Variants in SLC35F5 observed in about 807,000 individuals in gnomAD.
SLC35F5 encodes the protein solute carrier family 35 member F5.
SLC35F5 carries 54 observed loss-of-function variants against 68.6 expected under a neutral mutation model. The observed-to-expected ratio is 0.79, with a 90% CI of 0.63 to 0.99. The LOEUF (loss-of-function observed/expected upper bound fraction) is 0.99, where lower values mean the gene tolerates loss of function less well. Ranked by LOEUF, SLC35F5 falls within the 50% of genes least tolerant of loss-of-function variation. The probability of loss-of-function intolerance (pLI) is 0.00; values close to 1 mark genes in which losing one functional copy is unlikely to be tolerated. For synonymous variants in SLC35F5, 211 were observed against 205.2 expected, an observed-to-expected ratio of 1.03 and a Z score of -0.24; for missense variants, 567 against 626.9, an observed-to-expected ratio of 0.90 and a Z score of 1.02.
In SLC35F5 at chr2:113,710,052, G is replaced by A. The variant is rs567210056; in HGVS notation, c.*5166C>T. Among the ~76,000 whole-genome samples the A allele has an allele frequency of 3.3e-5, 5 of 152,224 alleles. No homozygotes were observed. In the South Asian group the frequency reaches 1.0e-3, roughly 32 times the overall value. ...CCTGATCTTGAACTCCTGGGCTCAC[G>A]TGATCCTCCTGCCTCAGTCTCCCAA... On this transcript the variant is annotated 3_prime_UTR_variant, in exon 16 of 16. Transcript: ENST00000245680.
At chr2:113,704,093 G>A (rs577563451), downstream of SLC35F5, 1 of 152,308 alleles carries the variant, frequency 6.6e-6, no homozygotes, top group Non-Finnish European at 1.5e-5. Context: ...TGGACCCAAA[G>A]AGTGAGCAGC....
chr2:113,723,952 A>C (rs1687558510), intron 12 of SLC35F5, among the ~76,000 whole-genome samples: 1 of 152,246 alleles, frequency 6.6e-6, no homozygotes, highest in Non-Finnish European at 1.5e-5. Context: ...TTATAAGCCA[A>C]GATAAAACCA....
chr2:113,750,096 T>C (rs907659206), intron 4 of SLC35F5, among the ~76,000 whole-genome samples: 1 of 152,202 alleles, frequency 6.6e-6, no homozygotes, highest in African/African-American at 2.4e-5. Flanking sequence ...AGGATACTCA[T>C]CCAATCTGCA....
intron 13 of SLC35F5, among the ~76,000 whole-genome samples, chr2:113,722,223 C>T (rs1687471664): frequency 6.6e-6 from 1 of 152,122 alleles, no homozygotes; most frequent in African/African-American, 2.4e-5. Flanking sequence ...GATCTGCCTG[C>T]CTCGGCCTCC....
chr2:113,731,134 A>G (rs62170065), intron 10 of SLC35F5, among the ~76,000 whole-genome samples: 8,675 of 152,240 alleles, frequency 0.057, 340 homozygotes, highest in South Asian at 0.13. Flanking sequence ...ATTGAGGAAC[A>G]TTCTACAAAC....
intron 15 of SLC35F5, among the ~76,000 whole-genome samples, chr2:113,716,854 A>G (rs1461826526): frequency 6.6e-6 from 1 of 152,198 alleles, no homozygotes; most frequent in African/African-American, 2.4e-5. Context: ...AGAAAAACAG[A>G]AAACCAGGAC....
In SLC35F5 at chr2:113,755,511, C is replaced by A. The variant is rs766499217; in HGVS notation, c.74G>T (p.Arg25Ile). ...VLSSSPPFRL[R>I]SAKFSGIALE... is the part of the protein sequence containing the mutation. The stretch of plus-strand genomic sequence containing the variant: ...AGCAATGCCGGAAAACTTGGCAGAT[C>A]TCAGTCTAAAAGGAGGTGAAGAACT... The change falls in exon 2 of 16, where the codon AGA becomes ATA. Residue 25 changes from arginine to isoleucine, a missense_variant. Transcript: ENST00000245680. 1.9e-6 allele frequency: 3 copies of A among 1,614,010 alleles called. No homozygotes were observed. The Admixed American group carries it at 5.0e-5, about 27-fold the overall frequency.
chr2:113,725,776 C>G (rs1687638164), intron 11 of SLC35F5: 1 of 367,520 alleles, frequency 2.7e-6, no homozygotes, highest in Non-Finnish European at 4.9e-6. Flanking sequence ...ATGGGAGCAA[C>G]TACTATGGAA....
chr2:113,756,604 A>C lies in SLC35F5; in HGVS notation c.-195T>G. 1 of 1,389,800 alleles carries C rather than the reference A, an allele frequency of 7.2e-7. No individual in the cohort carries two copies. 86.1% of individuals were successfully genotyped at this position (1,389,800 alleles called of 1,614,324 possible). A position where few individuals can be genotyped will look rare whatever the true frequency, so the allele number is the denominator to read the frequency against. On this transcript the variant is annotated 5_prime_UTR_variant, in exon 1 of 16. Coordinates refer to ENST00000245680, the MANE Select transcript of SLC35F5 (RefSeq NM_025181.5). ...GGCGTGGAGCGGGTGAGGGGAAGGG[A>C]CGGCACAGTCAGCTATGGCCGCGGA...
chr2:113,734,959 A>AAC (rs1242690704), intron 8 of SLC35F5, among the ~76,000 whole-genome samples: 1 of 152,228 alleles, frequency 6.6e-6, no homozygotes, highest in East Asian at 1.9e-4. Flanking sequence ...TATTCAGAGT[A>AAC]ACATGCTGAC....
At chr2:113,744,007 T>C (rs1428799301) in intron 5 of SLC35F5, 1 of 376,802 alleles carries the variant, frequency 2.7e-6, no homozygotes, top group Non-Finnish European at 4.7e-6. Flanking sequence ...TTTAGCAATG[T>C]AATGTAACAG....
chr2:113,703,026 C>T (rs1686727058), downstream of SLC35F5, among the ~76,000 whole-genome samples: 1 of 152,048 alleles, frequency 6.6e-6, no homozygotes, highest in Non-Finnish European at 1.5e-5. Context: ...GGGAGAATCA[C>T]TTGAGCCCTG....
intron 11 of SLC35F5, among the ~76,000 whole-genome samples, chr2:113,726,087 C>A (rs978242041): frequency 1.3e-5 from 2 of 152,176 alleles, no homozygotes; most frequent in Admixed American, 1.3e-4. Context: ...AACGTATGAG[C>A]AAAGTACAGA....
intron 4 of SLC35F5, among the ~76,000 whole-genome samples, 165 bp downstream of exon 4, chr2:113,750,260 T>C (rs1676679800): frequency 6.6e-6 from 1 of 152,242 alleles, no homozygotes; most frequent in African/African-American, 2.4e-5. Context: ...ATTAGAAGAA[T>C]AAATTTAAAA....
At chr2:113,718,220 G>A (rs1180315601) in intron 14 of SLC35F5, among the ~76,000 whole-genome samples, 1 of 151,866 alleles carries the variant, frequency 6.6e-6, no homozygotes, top group African/African-American at 2.4e-5. Context: ...AGTAGCTTGG[G>A]ACTGCAGGTA....
At chr2:113,727,895 C>G (rs1687728206) in intron 11 of SLC35F5, among the ~76,000 whole-genome samples, 1 of 152,188 alleles carries the variant, frequency 6.6e-6, no homozygotes, top group African/African-American at 2.4e-5. Context: ...AAAAGTACCA[C>G]TGACCCAACC....
At chr2:113,726,340 A>T (rs1687663829) in intron 11 of SLC35F5, among the ~76,000 whole-genome samples, 1 of 152,220 alleles carries the variant, frequency 6.6e-6, no homozygotes, top group African/African-American at 2.4e-5. Context: ...TAATATTATT[A>T]TAGAAATTAA....
chr2:113,708,567 G>A lies in SLC35F5; in HGVS notation c.*6651C>T, dbSNP rs956332101. ...TATAAATACAAAAAATTAGCTGGGC[G>A]TGGTGGTGCATGTCTGTAATCCCAG... On this transcript the variant is annotated 3_prime_UTR_variant, in exon 16 of 16. Coordinates refer to ENST00000245680, the MANE Select transcript of SLC35F5 (RefSeq NM_025181.5). 5.3e-5 allele frequency among the ~76,000 whole-genome samples: 8 copies of A among 152,048 alleles called. No homozygotes were observed. The highest frequency in any genetic ancestry group is 7.4e-5 in the Non-Finnish European group (5 of 67,998).
intron 5 of SLC35F5, among the ~76,000 whole-genome samples, chr2:113,744,739 C>A (rs1380354478): frequency 2.0e-5 from 3 of 151,944 alleles, no homozygotes; most frequent in African/African-American, 7.3e-5. Context: ...GGTGACAGAG[C>A]GAGACTCCAT....
Sources: gnomAD v4.1 joint callset for allele counts (sites outside exome capture counted in the v4.1 genomes callset) on GRCh38, gnomAD v4.1.1 for gene constraint, MANE v1.5 for transcripts, NCBI Gene and HGNC (gene_info 2026-07-23, HGNC 2026-07-21) for gene names.